AVEN: variants seen among roughly 807,000 people sequenced by gnomAD.
The protein encoded by AVEN is cell death regulator Aven.
In AVEN, 41 loss-of-function variants were observed where a neutral mutation model predicts 38.1. The observed-to-expected ratio is 1.08, with a 90% CI of 0.84 to 1.40. AVEN has a LOEUF of 1.40. AVEN is among the 40% of genes most tolerant of loss of function. The pLI is 0.00. For missense variants in AVEN, 605 were observed against 438.8 expected (o/e 1.38, Z -3.38); for synonymous variants, 206 against 171.8 (o/e 1.20, Z -1.56).
intron 2 of AVEN, among the ~76,000 whole-genome samples, chr15:33,880,731 A>G (rs559315642): frequency 6.6e-6 from 1 of 152,324 alleles, no homozygotes; most frequent in East Asian, 1.9e-4. Flanking sequence ...AGACCAAAAT[A>G]GTAGAAAACA....
At chr15:33,857,656 C>G, downstream of AVEN, 1 of 1,212,590 alleles carries the variant, frequency 8.2e-7, no homozygotes, top group Non-Finnish European at 1.2e-6. Flanking sequence ...GCCCTCCACC[C>G]CTTCCCCATT....
chr15:33,955,087 T>C (rs111938803), intron 2 of AVEN, among the ~76,000 whole-genome samples: 132 of 152,310 alleles, frequency 8.7e-4, no homozygotes, highest in African/African-American at 3.1e-3. Context: ...CACCACAGTA[T>C]TGTCTTTTTT....
chr15:34,004,069 T>C (rs1049370618), intron 1 of AVEN, among the ~76,000 whole-genome samples: 4 of 152,180 alleles, frequency 2.6e-5, no homozygotes, highest in African/African-American at 9.7e-5. Context: ...GCCTGTGTGA[T>C]TGTTCAGGTA....
chr15:33,906,685 C>A (rs621908), intron 2 of AVEN, among the ~76,000 whole-genome samples: 136,333 of 152,196 alleles, frequency 0.9, 61,684 homozygotes, highest in East Asian at 0.98. Context: ...AGTAGTCAGA[C>A]TCATAGAGAC....
intron 3 of AVEN, among the ~76,000 whole-genome samples, chr15:33,873,865 C>T (rs1891109700): frequency 6.6e-6 from 1 of 152,206 alleles, no homozygotes; most frequent in African/African-American, 2.4e-5. Flanking sequence ...TTGTGTCTCA[C>T]ATCTGGCCAG....
chr15:33,863,584 A>AAACTCAAACCT (rs1478979794), downstream of AVEN, among the ~76,000 whole-genome samples: 1 of 152,180 alleles, frequency 6.6e-6, no homozygotes, highest in Admixed American at 6.5e-5. Flanking sequence ...TGTCACAGAC[A>AAACTCAAACCT]AACTCAAACC....
chr15:34,036,876 G>A (rs557886344), intron 1 of AVEN, among the ~76,000 whole-genome samples: 1 of 152,154 alleles, frequency 6.6e-6, no homozygotes, highest in African/African-American at 2.4e-5. Context: ...TTGGGAGGCC[G>A]AGGCGGGTGG....
intron 1 of AVEN, among the ~76,000 whole-genome samples, chr15:34,016,680 C>T (rs1480207546): frequency 6.6e-6 from 1 of 152,166 alleles, no homozygotes; most frequent in Admixed American, 6.5e-5. Flanking sequence ...AGTATGTAAT[C>T]AGAAACAAAT....
chr15:34,069,530 T>G (rs1254636898), intron 2 of AVEN, among the ~76,000 whole-genome samples: 1 of 152,210 alleles, frequency 6.6e-6, no homozygotes, highest in East Asian at 1.9e-4. Context: ...TAATTGTTTT[T>G]GGGGGGCCAA....
intron 2 of AVEN, among the ~76,000 whole-genome samples, chr15:33,982,664 G>C (rs1479782414): frequency 6.6e-6 from 1 of 152,124 alleles, no homozygotes. Flanking sequence ...TTTAGTAATG[G>C]AAACAAGAAT....
In AVEN at chr15:33,935,668, G is replaced by A. The variant is rs552342167; in HGVS notation, c.446-59673C>T. On this transcript the variant is annotated intron_variant, in intron 2 of 5. Coordinates refer to ENST00000306730, the MANE Select transcript of AVEN (RefSeq NM_020371.3). Reference sequence around the variant, plus strand: ...ACATGGAAAGTGCAAGAGAAAAAAGGTAGCAGCAATGTGTATGAATTGTTT... The same window carrying A: ...ACATGGAAAGTGCAAGAGAAAAAAGATAGCAGCAATGTGTATGAATTGTTT... Among the ~76,000 whole-genome samples, 5 of 152,220 alleles carry A rather than the reference G, an allele frequency of 3.3e-5. No individual in the cohort carries two copies. In the South Asian group the frequency reaches 1.0e-3, roughly 32 times the overall value.
At chr15:33,994,195 G>A (rs1359166712) in intron 2 of AVEN, among the ~76,000 whole-genome samples, 3 of 152,188 alleles carry the variant, frequency 2.0e-5, no homozygotes, top group African/African-American at 7.2e-5. Flanking sequence ...GCTTGCATTA[G>A]TGCCTGAGCG....
Position 34,014,379 on chromosome 15 carries a change from AAAAAACAAAAAC to A in AVEN, c.268-11182_268-11171del, listed in dbSNP as rs1295918214. Among the ~76,000 whole-genome samples, 21 of 119,386 alleles carry A rather than the reference AAAAAACAAAAAC, an allele frequency of 1.8e-4. 1 individual carries two copies. The South Asian group carries it at 5.0e-3, about 28-fold the overall frequency. 78.3% of individuals were successfully genotyped at this position (119,386 alleles called of 152,430 possible). On this transcript the variant is annotated intron_variant, in intron 1 of 5. Coordinates refer to ENST00000306730, the MANE Select transcript of AVEN (RefSeq NM_020371.3). ...AACTCCATCTCATTAAAAAAAAAAAAAAAAACAAAAACAAAAACCACGTTTGAGGATTCTGGG... is the reference window on the plus strand; with the variant it reads ...AACTCCATCTCATTAAAAAAAAAAAAAAAAACCACGTTTGAGGATTCTGGG...
intron 2 of AVEN, among the ~76,000 whole-genome samples, chr15:33,974,306 A>T (rs1454749809): frequency 6.6e-6 from 1 of 152,208 alleles, no homozygotes; most frequent in Non-Finnish European, 1.5e-5. Flanking sequence ...TTAAAATCTT[A>T]CATTTATTCT....
chr15:33,991,073 C>T (rs915234290), intron 2 of AVEN: 1 of 152,102 alleles, frequency 6.6e-6, no homozygotes, highest in African/African-American at 2.4e-5. Flanking sequence ...GATGCAACTC[C>T]TGATGACATA....
chr15:34,014,617 A>G (rs1897802851), intron 1 of AVEN, among the ~76,000 whole-genome samples: 1 of 152,174 alleles, frequency 6.6e-6, no homozygotes, highest in South Asian at 2.1e-4. Flanking sequence ...AGTGTCTGTG[A>G]GAGGAAGCAG....
intron 2 of AVEN, among the ~76,000 whole-genome samples, chr15:33,965,260 T>A (rs1475177241): frequency 6.6e-6 from 1 of 152,194 alleles, no homozygotes; most frequent in Admixed American, 6.5e-5. Flanking sequence ...CATATTTATT[T>A]TAGAAACAGC....
At chr15:33,936,306 G>A (rs1211799886) in intron 2 of AVEN, among the ~76,000 whole-genome samples, 1 of 152,174 alleles carries the variant, frequency 6.6e-6, no homozygotes, top group Non-Finnish European at 1.5e-5. Context: ...CAAACTGCAA[G>A]GATTAATATG....
rs554681047 is a variant in AVEN at position 33,860,190 on chromosome 15, G to GT, written n.2730-1097dup. Among the ~76,000 whole-genome samples the GT allele has an allele frequency of 5.2e-3, 796 of 152,326 alleles. 3 individuals carry two copies. The highest frequency in any genetic ancestry group is 8.9e-3 in the Non-Finnish European group (603 of 68,028). ...TGAGTCATGCTGAGTGGAGGAACCT[G>GT]TAAGACATGCAGGTGTTGAGGGCTA... is the stretch of plus-strand genomic sequence containing the variant. On this transcript the variant is annotated intron_variant and non_coding_transcript_variant, in intron 11 of 11. Coordinates refer to the AVEN transcript ENST00000675287.
Sources: allele counts gnomAD v4.1 joint callset (sites outside exome capture counted in the v4.1 genomes callset), GRCh38; gene constraint gnomAD v4.1.1; transcripts MANE v1.5; gene names NCBI Gene and HGNC (gene_info 2026-07-23, HGNC 2026-07-21).